NOS1: variants seen among roughly 807,000 people sequenced by gnomAD.
NOS1 encodes the protein nitric oxide synthase 1.
A neutral mutation model predicts 164.5 loss-of-function variants in NOS1; 51 were observed. The ratio of observed to expected loss-of-function variants is 0.31; its 90% CI spans 0.25 to 0.39. The LOEUF is 0.39. Among genes scored for constraint, NOS1 ranks in the 10% least tolerant of loss-of-function variants. The probability of loss-of-function intolerance (pLI) is 1.00; values close to 1 mark genes in which losing one functional copy is unlikely to be tolerated. For synonymous variants in NOS1, 719 were observed against 745.8 expected (o/e 0.96, Z 0.59); for missense variants, 1,362 against 1,885.6 (o/e 0.72, Z 5.14).
rs544778578 is a variant in NOS1, at chr12:117,210,934, C to A, written c.*4375G>T. On this transcript the variant is annotated 3_prime_UTR_variant, in exon 29 of 29. Coordinates refer to ENST00000317775, the MANE Select transcript of NOS1 (RefSeq NM_000620.5). ...CAGAGACCTCTCTCTCAGCTAGGGG[C>A]AAGATGTTTTATTTTATTTTATTTT... 64 of 978,636 alleles carry A rather than the reference C, an allele frequency of 6.5e-5. No individual in the cohort carries two copies. The highest frequency in any genetic ancestry group is 5.3e-4 in the Middle Eastern group (1 of 1,898). The allele number at this position is 978,636 out of a possible 1,614,324, so 60.6% of individuals were successfully genotyped here.
At chr12:117,357,908 G>A (rs1269490354) in intron 1 of NOS1, among the ~76,000 whole-genome samples, 1 of 152,196 alleles carries the variant, frequency 6.6e-6, no homozygotes, top group Non-Finnish European at 1.5e-5. Flanking sequence ...CAGGAAACAT[G>A]CCCCTCTGTT....
rs530243439 is a variant in NOS1 at position 117,214,124 on chromosome 12, C to T, written c.*1185G>A. 82 of 985,290 alleles carry T rather than the reference C, an allele frequency of 8.3e-5. No homozygotes were observed. Among genetic ancestry groups the T allele is most frequent in the Non-Finnish European group, 9.0e-5 (75 of 829,954 alleles). 61.0% of individuals were successfully genotyped at this position (985,290 alleles called of 1,614,324 possible). ...GGGACCTCATTATGGCAACTCTTTC[C>T]AACCTCATCCACTTTAACCAGCTTC... On this transcript the variant is annotated 3_prime_UTR_variant, in exon 29 of 29. Transcript: ENST00000317775.
chr12:117,325,306 C>T (rs773523071), intron 2 of NOS1, among the ~76,000 whole-genome samples: 2 of 152,180 alleles, frequency 1.3e-5, no homozygotes, highest in African/African-American at 2.4e-5. Flanking sequence ...ACAAGAGTGA[C>T]CCCGAAGAAC....
At chr12:117,266,028 T>C (rs1312433117) in intron 11 of NOS1, among the ~76,000 whole-genome samples, 1 of 151,862 alleles carries the variant, frequency 6.6e-6, no homozygotes, top group Admixed American at 6.6e-5. Flanking sequence ...CTCGATCTCC[T>C]GACCTCGTGA....
intron 18 of NOS1, among the ~76,000 whole-genome samples, chr12:117,245,393 T>C (rs1308007237): frequency 2.0e-5 from 3 of 152,118 alleles, no homozygotes; most frequent in South Asian, 4.1e-4. Flanking sequence ...CTCTGGCCAA[T>C]AGGATGTCTT....
At position 117,210,164 on chromosome 12, in the gene NOS1, A is replaced by C; in HGVS notation, c.*5145T>G. On this transcript the variant is annotated 3_prime_UTR_variant, in exon 29 of 29. Transcript: ENST00000317775. ...ATTTTTTTTTTTTTTTTTTTTTAGT[A>C]GAGACGAGATTGCGCTGTGTTGCCC... 2.5e-6 allele frequency: 1 copy of C among 405,094 alleles called. No individual in the cohort carries two copies. Among genetic ancestry groups the C allele is most frequent in the Non-Finnish European group, 3.3e-6 (1 of 304,832 alleles). The allele number at this position is 405,094 out of a possible 1,614,324, so 25.1% of individuals were successfully genotyped here.
intron 1 of NOS1, among the ~76,000 whole-genome samples, chr12:117,357,272 G>A (rs952215902): frequency 1.3e-5 from 2 of 152,172 alleles, no homozygotes; most frequent in African/African-American, 4.8e-5. Context: ...CCTTCCCTCT[G>A]AAAGGGAGAG....
At chr12:117,217,920 G>C (rs1956636782) in intron 28 of NOS1, 126 bp downstream of exon 28, 3 of 718,100 alleles carry the variant, frequency 4.2e-6, no homozygotes, top group Non-Finnish European at 7.5e-6. Context: ...TTTTGAACAC[G>C]TTCCCAGATG....
rs1453877802 is a variant in NOS1, at chr12:117,243,520, T to C, written c.2824-85A>G. On this transcript the variant is annotated intron_variant, in intron 18 of 28. Coordinates refer to ENST00000317775, the MANE Select transcript of NOS1 (RefSeq NM_000620.5). This position sits in a 1 kb window ranked among gnomAD's most constrained non-coding sequence, Gnocchi z 4.3. Reference sequence around the variant, plus strand: ...AGCTCCAAGTCATGGCATGTATCTCTTCATTCACCCATCCATCCATCTATC... The same window carrying C: ...AGCTCCAAGTCATGGCATGTATCTCCTCATTCACCCATCCATCCATCTATC... The C allele has an allele frequency of 1.4e-6, 2 of 1,448,312 alleles. No individual in the cohort carries two copies. Among genetic ancestry groups the C allele is most frequent in the Non-Finnish European group, 1.9e-6 (2 of 1,055,014 alleles). The allele number at this position is 1,448,312 out of a possible 1,614,324, so 89.7% of individuals were successfully genotyped here.
At chr12:117,298,276 C>A (rs754255882) in intron 3 of NOS1, among the ~76,000 whole-genome samples, 2 of 151,916 alleles carry the variant, frequency 1.3e-5, no homozygotes, top group African/African-American at 4.8e-5. Flanking sequence ...CAGTAGGGTA[C>A]GAGCTCCTAT....
rs1001127625 is a variant in NOS1 at position 117,213,939 on chromosome 12, G to A, written c.*1370C>T. 2 of 985,382 alleles carry A rather than the reference G, an allele frequency of 2.0e-6. No individual in the cohort carries two copies. The highest frequency in any genetic ancestry group is 1.1e-4 in the East Asian group (1 of 8,822). 61.0% of individuals were successfully genotyped at this position (985,382 alleles called of 1,614,324 possible). On this transcript the variant is annotated 3_prime_UTR_variant, in exon 29 of 29. Transcript: ENST00000317775. ...AATTACACCGGCTCCAATTCCTACCGAAGACTTGGCTGCCCATTTTTGATC... is the reference window on the plus strand; with the variant it reads ...AATTACACCGGCTCCAATTCCTACCAAAGACTTGGCTGCCCATTTTTGATC...
chr12:117,352,221 A>G (rs1182273207), intron 1 of NOS1, among the ~76,000 whole-genome samples: 3 of 152,144 alleles, frequency 2.0e-5, no homozygotes, highest in Non-Finnish European at 2.9e-5. Context: ...ACATGCATAC[A>G]TAATACAGTG....
intron 18 of NOS1, among the ~76,000 whole-genome samples, chr12:117,244,154 T>C (rs1371764896): frequency 2.0e-5 from 3 of 152,202 alleles, no homozygotes; most frequent in African/African-American, 7.2e-5. Context: ...GCATATTGAA[T>C]GTCTGGATGA....
chr12:117,211,228 G>A lies in NOS1; in HGVS notation c.*4081C>T. On this transcript the variant is annotated 3_prime_UTR_variant, in exon 29 of 29. Coordinates refer to ENST00000317775, the MANE Select transcript of NOS1 (RefSeq NM_000620.5). ...CCACCTCGGCCTCCCAAAGTGCTGG[G>A]ATTACAGACATGAGCTACCGCGCCC... is the stretch of plus-strand genomic sequence containing the variant. 2 of 984,380 alleles carry A rather than the reference G, an allele frequency of 2.0e-6. No individual in the cohort carries two copies. The highest frequency in any genetic ancestry group is 2.4e-6 in the Non-Finnish European group (2 of 829,014). The allele number at this position is 984,380 out of a possible 1,614,324, so 61.0% of individuals were successfully genotyped here. A position where few individuals can be genotyped will look rare whatever the true frequency, so the allele number is the denominator to read the frequency against.
chr12:117,319,507 G>A (rs1238627048), intron 2 of NOS1, among the ~76,000 whole-genome samples: 6 of 152,222 alleles, frequency 3.9e-5, no homozygotes, highest in Non-Finnish European at 8.8e-5. Flanking sequence ...AGACAGGCTA[G>A]TGAGGTCAAT....
In NOS1 at chr12:117,238,707, G is replaced by A. The variant is rs147631951; in HGVS notation, c.3041+3920C>T. 2.0e-5 allele frequency among the ~76,000 whole-genome samples: 3 copies of A among 152,084 alleles called. 1 individual carries two copies. The East Asian group carries it at 5.8e-4, about 29-fold the overall frequency. On this transcript the variant is annotated intron_variant, in intron 20 of 28. Coordinates refer to ENST00000317775, the MANE Select transcript of NOS1 (RefSeq NM_000620.5). The stretch of plus-strand genomic sequence containing the variant: ...AATTTTTGTATTTTTAGTAGAGACA[G>A]GGTTTCACCATGCTGGCCAGACTGG...
At chr12:117,354,749 G>A (rs1245541433) in intron 1 of NOS1, among the ~76,000 whole-genome samples, 1 of 152,158 alleles carries the variant, frequency 6.6e-6, no homozygotes, top group Non-Finnish European at 1.5e-5. Flanking sequence ...TGGACACCAT[G>A]AGCTACCTTG....
chr12:117,305,568 T>C (rs1306805317), intron 3 of NOS1, among the ~76,000 whole-genome samples: 2 of 151,800 alleles, frequency 1.3e-5, no homozygotes, highest in African/African-American at 4.8e-5. Flanking sequence ...AAAAAGAACA[T>C]TGTGTTTTCT....
chr12:117,218,225 G>A, intron 27 of NOS1, 61 bp from the exon 28 acceptor site: 1 of 1,252,312 alleles, frequency 8.0e-7, no homozygotes, highest in African/African-American at 1.5e-5. Flanking sequence ...TTGGAGCAGG[G>A]GCAGACTTGC....
Sources: allele counts gnomAD v4.1 joint callset (sites outside exome capture counted in the v4.1 genomes callset), GRCh38; gene constraint gnomAD v4.1.1; non-coding constraint Gnocchi (gnomAD v3.1); transcripts MANE v1.5; gene names NCBI Gene and HGNC (gene_info 2026-07-23, HGNC 2026-07-21).